PTPN3: variants seen among roughly 807,000 people sequenced by gnomAD.
PTPN3 encodes protein tyrosine phosphatase non-receptor type 3, also known as tyrosine-protein phosphatase non-receptor type 3.
A neutral mutation model predicts 132.7 loss-of-function variants in PTPN3; 96 were observed. The observed-to-expected ratio is 0.72, with a 90% CI of 0.61 to 0.86. PTPN3 has a LOEUF of 0.86. PTPN3 is among the 40% of genes least tolerant of loss of function. PTPN3 has a pLI of 0.00. For missense variants in PTPN3, 1,125 were observed against 1,159.6 expected (o/e 0.97, Z 0.43); for synonymous variants, 398 against 429.0 (o/e 0.93, Z 0.89).
At position 109,391,169 on chromosome 9, in the gene PTPN3, T is replaced by A; in HGVS notation, c.2075A>T (p.Asn692Ile). ...YDTTRVLLQG[N>I]EDYINASYVN... ...GTAACTTGCATTAATATAATCTTCA[T>A]TTCCCTGCAATAATACCCGGGTGGT... The change falls in exon 21 of 26, where the codon AAT (asparagine) becomes ATT (isoleucine). Residue 692 changes from asparagine to isoleucine, a missense_variant. Physicochemically the swap from Asn to Ile is moderately radical, Grantham distance 149 (BLOSUM62 -3). Coordinates refer to ENST00000374541, the MANE Select transcript of PTPN3 (RefSeq NM_002829.4). 1 of 1,613,714 alleles carries A rather than the reference T, an allele frequency of 6.2e-7. No individual in the cohort carries two copies. The highest frequency in any genetic ancestry group is 8.5e-7 in the Non-Finnish European group (1 of 1,179,732).
rs952191786 is a variant in PTPN3 at position 109,498,069 on chromosome 9, G to A, written c.-18+150C>T. On this transcript the variant is annotated intron_variant, in intron 1 of 25. Transcript: ENST00000374541. The surrounding 1 kb of genome is among the most constrained non-coding windows in gnomAD (Gnocchi z 4.2). Reference sequence around the variant, plus strand: ...CCCTCCCCGCCCCGACGTGGTGCGGGGATCCCGGTGCAGCCGCACCCGCCA... The same window carrying A: ...CCCTCCCCGCCCCGACGTGGTGCGGAGATCCCGGTGCAGCCGCACCCGCCA... The A allele has an allele frequency of 1.4e-5, 2 of 145,304 alleles. No individual in the cohort carries two copies. Among genetic ancestry groups the A allele is most frequent in the African/African-American group, 2.5e-5 (1 of 40,532 alleles). 9.0% of individuals were successfully genotyped at this position (145,304 alleles called of 1,614,324 possible).
intron 21 of PTPN3, among the ~76,000 whole-genome samples, chr9:109,390,196 C>A (rs1222226586): frequency 6.6e-6 from 1 of 152,166 alleles, no homozygotes; most frequent in East Asian, 1.9e-4. Context: ...AAGTGAGGGT[C>A]AATGAATCCC....
At chr9:109,408,805 A>ATATATATATGGGCTT (rs1564404273) in intron 16 of PTPN3, among the ~76,000 whole-genome samples, 7 of 138,874 alleles carry the variant, frequency 5.0e-5, no homozygotes, top group Non-Finnish European at 7.9e-5. Context: ...AAATATATAT[A>ATATATATATGGGCTT]TATATATATA....
chr9:109,439,350 CAAAAA>C (rs1006649092), intron 7 of PTPN3, among the ~76,000 whole-genome samples: 127 of 148,930 alleles, frequency 8.5e-4, no homozygotes, highest in African/African-American at 3.1e-3. Flanking sequence ...ACAAACAAAA[CAAAAA>C]AAAGCTTCTA....
intron 16 of PTPN3, 30 bp from the exon 17 acceptor site, chr9:109,408,407 A>C: frequency 6.5e-7 from 1 of 1,528,974 alleles, no homozygotes; most frequent in Middle Eastern, 1.7e-4. Context: ...AAAACAAAAC[A>C]AAGTTTTTTA....
chr9:109,433,272 T>C (rs2131907545), intron 9 of PTPN3, 111 bp from the exon 10 acceptor site: 3 of 1,433,864 alleles, frequency 2.1e-6, no homozygotes, highest in South Asian at 3.2e-5. Context: ...AGGCTCCAAA[T>C]GGGAAAATGC....
upstream of PTPN3, among the ~76,000 whole-genome samples, chr9:109,499,224 C>G (rs762621737): frequency 4.6e-5 from 7 of 152,010 alleles, no homozygotes; most frequent in African/African-American, 7.2e-5. Context: ...AGAGCAGGGT[C>G]AGGAGATTTG....
At chr9:109,515,930 C>T in the PTPN3 span, among the ~76,000 whole-genome samples, 4 of 152,294 alleles carry the variant, frequency 2.6e-5, no homozygotes, top group East Asian at 1.9e-4. Context: ...TCAGGGGACA[C>T]GTATCCAAAC....
At chr9:109,409,853 C>CA (rs1443315242) in intron 16 of PTPN3, 146 bp downstream of exon 16, 63 of 1,356,782 alleles carry the variant, frequency 4.6e-5, no homozygotes, top group African/African-American at 4.1e-4. Flanking sequence ...CAAACAAAAA[C>CA]AAAAAAAACC....
At chr9:109,501,136 T>C (rs1282825237), upstream of PTPN3, among the ~76,000 whole-genome samples, 1 of 152,160 alleles carries the variant, frequency 6.6e-6, no homozygotes, top group Non-Finnish European at 1.5e-5. Flanking sequence ...AAATTCTTGT[T>C]TTGTGTATAT....
At chr9:109,511,356 C>T in the PTPN3 span, 1 of 152,696 alleles carries the variant, frequency 6.5e-6, no homozygotes, top group East Asian at 1.9e-4. Flanking sequence ...GGGGCAGCCA[C>T]AGTAACTTTG....
Position 109,403,111 on chromosome 9 carries a change from G to T in PTPN3, c.1953+1337C>A, listed in dbSNP as rs191424524. On this transcript the variant is annotated intron_variant, in intron 19 of 25. Transcript: ENST00000374541. ...TATATTAATTAATTAATTCCCTGTT[G>T]ATTGTTTTGGCGGGGAAGTCAGTCA... Among the ~76,000 whole-genome samples the T allele has an allele frequency of 1.2e-4, 19 of 152,266 alleles. No homozygotes were observed. In the East Asian group the frequency reaches 3.7e-3, roughly 29 times the overall value.
At chr9:109,426,221 T>C (rs1157678532) in intron 12 of PTPN3, among the ~76,000 whole-genome samples, 1 of 149,562 alleles carries the variant, frequency 6.7e-6, no homozygotes, top group Non-Finnish European at 1.5e-5. Flanking sequence ...TGTACATCCA[T>C]TTCTTTTACT....
intron 2 of PTPN3, 44 bp from the exon 3 acceptor site, chr9:109,457,443 T>C (rs778595076): frequency 1.3e-6 from 2 of 1,519,618 alleles, no homozygotes; most frequent in Admixed American, 3.6e-5. Flanking sequence ...CTTAAATTAA[T>C]TGGTGGTAAA....
the PTPN3 span, among the ~76,000 whole-genome samples, chr9:109,510,601 A>ATATT: frequency 7.2e-6 from 1 of 139,302 alleles, no homozygotes; most frequent in African/African-American, 2.6e-5. Flanking sequence ...ATATATATAT[A>ATATT]TATATATGAA....
the PTPN3 span, among the ~76,000 whole-genome samples, chr9:109,523,156 G>A: frequency 1.6e-4 from 23 of 147,216 alleles, no homozygotes; most frequent in East Asian, 2.6e-3. Flanking sequence ...TCGCTTTGTC[G>A]CCCAGGCTGG....
the PTPN3 span, among the ~76,000 whole-genome samples, chr9:109,530,382 G>A: frequency 6.6e-6 from 1 of 152,158 alleles, no homozygotes; most frequent in Non-Finnish European, 1.5e-5. Context: ...CATCCATGTT[G>A]AAGCATGTGT....
chr9:109,413,932 C>T (rs938838772), intron 14 of PTPN3, among the ~76,000 whole-genome samples: 2 of 152,166 alleles, frequency 1.3e-5, no homozygotes, highest in Non-Finnish European at 2.9e-5. Context: ...CCCGCCCCGC[C>T]GCCTGTGAAA....
rs1173158511 is a variant in PTPN3, at chr9:109,437,991, C to T, written c.587+123G>A. On this transcript the variant is annotated intron_variant, in intron 8 of 25. Transcript: ENST00000374541. ...CCATACCAGCTCAAAGGTTCAAAAACCCCCGACATCTTGAAAGAGGATTCA... is the reference window on the plus strand; with the variant it reads ...CCATACCAGCTCAAAGGTTCAAAAATCCCCGACATCTTGAAAGAGGATTCA... 4.0e-6 allele frequency: 5 copies of T among 1,244,950 alleles called. No homozygotes were observed. In the African/African-American group the frequency reaches 6.1e-5, roughly 15 times the overall value. The allele number at this position is 1,244,950 out of a possible 1,614,324, so 77.1% of individuals were successfully genotyped here.
Sources: allele counts gnomAD v4.1 joint callset (sites outside exome capture counted in the v4.1 genomes callset), GRCh38; gene constraint gnomAD v4.1.1; non-coding constraint Gnocchi (gnomAD v3.1); transcripts MANE v1.5; gene names NCBI Gene and HGNC (gene_info 2026-07-23, HGNC 2026-07-21).